The following POTEJ variants were observed in gnomAD, a reference collection of about 807,000 sequenced individuals.
POTEJ encodes the protein POTE ankyrin domain family, member J.
Under a neutral mutation model 69.0 loss-of-function variants are expected in POTEJ, and 11 were observed. The observed-to-expected ratio is 0.16, with a 90% confidence interval of 0.10 to 0.26. The LOEUF (loss-of-function observed/expected upper bound fraction) is 0.26. Among genes scored for constraint, POTEJ ranks in the 10% least tolerant of loss-of-function variants. POTEJ has a pLI of 1.00. For missense variants in POTEJ, 327 were observed against 1,045.5 expected (o/e 0.31, Z 9.48); for synonymous variants, 117 against 381.1 (o/e 0.31, Z 8.07).
At position 130,656,860 on chromosome 2, in the gene POTEJ, C is replaced by T. The variant is rs1289183978; in HGVS notation, c.2100C>T (p.Cys700=). 1.3e-6 allele frequency: 2 copies of T among 1,584,284 alleles called. No individual in the cohort carries two copies. The highest frequency in any genetic ancestry group is 1.7e-6 in the Non-Finnish European group (2 of 1,159,572). Residue 700 remains cysteine (C), a synonymous_variant, in exon 15 of 15, where the codon TGC becomes TGT. Transcript: ENST00000409602. ...PRAVFPSIVG[C]PRQQGMMGGM... ...CTGTCTTCCCTTCCATCGTGGGGTG[C>T]CCCAGGCAGCAGGGCATGATGGGGG...
intron 10 of POTEJ, among the ~76,000 whole-genome samples, chr2:130,643,118 G>C (rs1229533355): frequency 6.8e-6 from 1 of 146,986 alleles, no homozygotes; most frequent in Non-Finnish European, 1.5e-5. Context: ...GTACAGTTTA[G>C]GTGGTCAAGA....
intron 6 of POTEJ, among the ~76,000 whole-genome samples, chr2:130,625,760 G>A (rs1214016254): frequency 7.1e-6 from 1 of 140,708 alleles, no homozygotes; most frequent in African/African-American, 2.9e-5. Flanking sequence ...TGAGATACCA[G>A]AAGTTGGGAG....
intron 7 of POTEJ, among the ~76,000 whole-genome samples, chr2:130,630,826 G>C (rs1244459725): frequency 2.1e-5 from 3 of 144,884 alleles, no homozygotes; most frequent in Non-Finnish European, 3.0e-5. Context: ...AGATAATCTG[G>C]ATACATAACA....
intron 6 of POTEJ, among the ~76,000 whole-genome samples, chr2:130,626,828 T>G (rs1417211732): frequency 6.6e-6 from 1 of 152,192 alleles, no homozygotes; most frequent in African/African-American, 2.4e-5. Context: ...ATGTTGGCCT[T>G]TGTTTTTTTG....
chr2:130,637,713 T>C lies in POTEJ; in HGVS notation c.1299-906T>C, dbSNP rs570668244. On this transcript the variant is annotated intron_variant, in intron 9 of 14. Coordinates refer to ENST00000409602, the MANE Select transcript of POTEJ (RefSeq NM_001277083.2). The stretch of plus-strand genomic sequence containing the variant: ...ATGTTAAAAATTAGAGAATGCCAAC[T>C]TGCAACTTCTTCGTGGAACCTAAAA... 1.6e-4 allele frequency among the ~76,000 whole-genome samples: 25 copies of C among 152,404 alleles called. No homozygotes were observed. In the East Asian group the frequency reaches 4.8e-3, roughly 29 times the overall value.
chr2:130,622,810 C>T (rs1422311064), intron 5 of POTEJ: 2 of 151,756 alleles, frequency 1.3e-5, no homozygotes, highest in African/African-American at 4.9e-5. Context: ...CATGACGCAT[C>T]ACTAATCATG....
At chr2:130,645,563 T>G in intron 11 of POTEJ, among the ~76,000 whole-genome samples, 174 bp from the exon 12 acceptor site, 2 of 145,288 alleles carry the variant, frequency 1.4e-5, no homozygotes, top group East Asian at 3.9e-4. Flanking sequence ...AAGTTAATTC[T>G]TAATTTTAAT....
intron 13 of POTEJ, among the ~76,000 whole-genome samples, chr2:130,650,118 A>C (rs1460961877): frequency 2.0e-5 from 3 of 152,280 alleles, no homozygotes; most frequent in African/African-American, 7.2e-5. Flanking sequence ...CTCTAACGTA[A>C]TTGAGGGAAG....
intron 9 of POTEJ, among the ~76,000 whole-genome samples, chr2:130,638,081 CA>C (rs1686177047): frequency 6.7e-6 from 1 of 149,002 alleles, no homozygotes; most frequent in Non-Finnish European, 1.5e-5. Flanking sequence ...ACAACATTTG[CA>C]TATTAGAACC....
At chr2:130,620,553 G>C (rs1314408529) in intron 4 of POTEJ, among the ~76,000 whole-genome samples, 2 of 150,854 alleles carry the variant, frequency 1.3e-5, no homozygotes, top group Admixed American at 6.6e-5. Context: ...AACATAAATA[G>C]GGGTTGAAAA....
chr2:130,655,334 T>C (rs1686946327), intron 14 of POTEJ, among the ~76,000 whole-genome samples: 1 of 152,218 alleles, frequency 6.6e-6, no homozygotes, highest in African/African-American at 2.4e-5. Flanking sequence ...GTTTTGCTAC[T>C]GAAAACAGAT....
chr2:130,651,538 A>AT (rs576686362), intron 13 of POTEJ, among the ~76,000 whole-genome samples: 2,295 of 111,350 alleles, frequency 0.021, 68 homozygotes, highest in African/African-American at 0.069. Context: ...TCTCACGAAG[A>AT]TTTTTTTTTT....
intron 13 of POTEJ, among the ~76,000 whole-genome samples, chr2:130,647,141 T>A (rs569628701): frequency 1.9e-3 from 282 of 150,782 alleles, no homozygotes; most frequent in African/African-American, 6.2e-3. Flanking sequence ...GCAACCATTT[T>A]AAAAAAATGA....
At chr2:130,655,548 C>G (rs1343458452) in intron 14 of POTEJ, among the ~76,000 whole-genome samples, 1 of 152,246 alleles carries the variant, frequency 6.6e-6, no homozygotes, top group African/African-American at 2.4e-5. Flanking sequence ...AATGACATGC[C>G]ATGATACACA....
intron 14 of POTEJ, among the ~76,000 whole-genome samples, chr2:130,655,558 A>G (rs1309431955): frequency 2.0e-5 from 3 of 152,226 alleles, no homozygotes; most frequent in Admixed American, 2.0e-4. Context: ...CATGATACAC[A>G]TTTAGTAATA....
At chr2:130,625,519 A>C (rs1389813599) in intron 6 of POTEJ, among the ~76,000 whole-genome samples, 1 of 151,816 alleles carries the variant, frequency 6.6e-6, no homozygotes, top group Non-Finnish European at 1.5e-5. Context: ...TTTTGGAAAA[A>C]AGTAGGTATG....
chr2:130,657,312 A>G lies in POTEJ; in HGVS notation c.2552A>G (p.Tyr851Cys). 1.9e-6 allele frequency: 3 copies of G among 1,598,330 alleles called. No individual in the cohort carries two copies. The South Asian group carries it at 3.3e-5, about 18-fold the overall frequency. ...CTGGCTGGGCGGGAACTGACTGACT[A>G]CCTCATGAAGATCCTCACCGAGCGT... Reference protein sequence around the residue: ...LDLAGRELTDYLMKILTERGY... With the variant: ...LDLAGRELTDCLMKILTERGY... The change falls in exon 15 of 15, where the codon TAC (tyrosine) becomes TGC (cysteine). Residue 851 changes from tyrosine (Y) to cysteine (C), a missense_variant. Transcript: ENST00000409602.
At chr2:130,639,331 A>G (rs1437981710) in intron 10 of POTEJ, among the ~76,000 whole-genome samples, 2 of 152,306 alleles carry the variant, frequency 1.3e-5, no homozygotes, top group African/African-American at 4.8e-5. Flanking sequence ...AGGTCATGTT[A>G]CATATGCTTG....
chr2:130,619,714 C>A (rs1573970122), intron 3 of POTEJ, among the ~76,000 whole-genome samples: 1 of 146,068 alleles, frequency 6.8e-6, no homozygotes, highest in South Asian at 2.2e-4. Flanking sequence ...ACAGCCCCTG[C>A]CCTCAAGAAG....
Sources: gnomAD v4.1 joint callset for allele counts (sites outside exome capture counted in the v4.1 genomes callset) on GRCh38, gnomAD v4.1.1 for gene constraint, MANE v1.5 for transcripts, NCBI Gene and HGNC (gene_info 2026-07-23, HGNC 2026-07-21) for gene names.